C2: variants seen among roughly 807,000 people sequenced by gnomAD.
C2 encodes the protein complement C2.
In C2, 64 loss-of-function variants were observed where a neutral mutation model predicts 85.2. The observed-to-expected ratio is 0.75, with a 90% CI of 0.61 to 0.92. The LOEUF (loss-of-function observed/expected upper bound fraction) is 0.92, where lower values mean the gene tolerates loss of function less well. Ranked by LOEUF, C2 falls within the 40% of genes least tolerant of loss-of-function variation. The pLI is 0.00. For synonymous variants in C2, 311 were observed against 370.8 expected (o/e 0.84, Z 1.85); for missense variants, 820 against 971.6 (o/e 0.84, Z 2.07).
At chr6:31,907,001 G>A (rs535612893) in intron 1 of C2, among the ~76,000 whole-genome samples, 3 of 151,548 alleles carry the variant, frequency 2.0e-5, no homozygotes, top group Non-Finnish European at 2.9e-5. Context: ...TTAGCTGGGC[G>A]TGGTGGTGCA....
At chr6:31,918,321 T>C (rs1768702851), upstream of C2, among the ~76,000 whole-genome samples, 1 of 151,752 alleles carries the variant, frequency 6.6e-6, no homozygotes, top group African/African-American at 2.4e-5. Context: ...GCACAGTGGC[T>C]CACACTTGTA....
upstream of C2, among the ~76,000 whole-genome samples, chr6:31,923,444 A>G (rs1769089347): frequency 6.6e-6 from 1 of 152,074 alleles, no homozygotes; most frequent in African/African-American, 2.4e-5. Context: ...CACACACGCC[A>G]TCTCAGCCTT....
At chr6:31,910,974 C>T (rs921437942) in intron 1 of C2, among the ~76,000 whole-genome samples, 5 of 140,778 alleles carry the variant, frequency 3.6e-5, no homozygotes, top group Non-Finnish European at 7.7e-5. Flanking sequence ...AGCAAGCTTC[C>T]ATCTTAAAAA....
At position 31,901,254 on chromosome 6, in the gene C2, C is replaced by T. The variant is rs771080498; in HGVS notation, c.73+115C>T. On this transcript the variant is annotated intron_variant, in intron 1 of 3. Coordinates refer to the C2 transcript ENST00000452202. ...AGCTGGTTCATGTTCCGTAGCGTTG[C>T]GGCCTCGTGGCCGGGCAGCTGGAAG... The T allele has an allele frequency of 1.9e-5, 31 of 1,612,718 alleles. No individual in the cohort carries two copies. Among genetic ancestry groups the T allele is most frequent in the Admixed American group, 5.0e-5 (3 of 59,992 alleles).
intron 1 of C2, chr6:31,901,757 CG>C (rs1767304532): frequency 5.5e-6 from 1 of 182,740 alleles, no homozygotes; most frequent in Non-Finnish European, 1.2e-5. Context: ...CAGCACGCAC[CG>C]TGCACGCCCT....
rs1382923976 is a variant in C2, at chr6:31,943,927, C to T, written c.1744C>T (p.Leu582Phe). The T allele has an allele frequency of 6.2e-7, 1 of 1,612,762 alleles. No individual in the cohort carries two copies. Among genetic ancestry groups the T allele is most frequent in the African/African-American group, 1.3e-5 (1 of 74,914 alleles). Residue 582 changes from leucine to phenylalanine, a missense_variant, in exon 14 of 18, where the codon CTT becomes TTT. Coordinates refer to ENST00000299367, the MANE Select transcript of C2 (RefSeq NM_000063.6). This position sits in a 1 kb window ranked among gnomAD's most constrained non-coding sequence, Gnocchi z 6.4. ...TGCTCTTCTCCCCAGGCCCATCTGC[C>T]TTCCCTGCACGATGGAGGCCAATCT... ...KMSTHARPIC[L>F]PCTMEANLAL...
chr6:31,930,932 C>T (rs1269815316), intron 3 of C2, among the ~76,000 whole-genome samples: 1 of 152,226 alleles, frequency 6.6e-6, no homozygotes, highest in Non-Finnish European at 1.5e-5. Flanking sequence ...CTCATCTAAT[C>T]ACCACCCAAG....
chr6:31,940,025 C>A (rs1293989399), intron 9 of C2, among the ~76,000 whole-genome samples: 1 of 152,198 alleles, frequency 6.6e-6, no homozygotes, highest in Non-Finnish European at 1.5e-5. Context: ...ATCCGCCTGC[C>A]TTGGTCTCCC....
Position 31,944,216 on chromosome 6 carries a change from T to A in C2, c.1892T>A (p.Met631Lys). Residue 631 changes from methionine to lysine, a missense_variant, in exon 15 of 18, where the codon ATG (methionine) becomes AAG (lysine). Met to Lys is a moderately conservative substitution (Grantham distance 95). Transcript: ENST00000299367. This position sits in a 1 kb window ranked among gnomAD's most constrained non-coding sequence, Gnocchi z 5.1. ...NGSKLNINLKMGVEWTSCAEV... is the reference protein window; with the variant it reads ...NGSKLNINLKKGVEWTSCAEV... ...AGCAAACTGAACATTAACCTTAAGA[T>A]GGGAGTGGAGGTGAGGGTCTCAGGT... 1 of 1,609,046 alleles carries A rather than the reference T, an allele frequency of 6.2e-7. No individual in the cohort carries two copies. Among genetic ancestry groups the A allele is most frequent in the African/African-American group, 1.3e-5 (1 of 74,950 alleles).
chr6:31,928,634 C>A lies in C2; in HGVS notation c.257-98C>A, dbSNP rs970858700. 4.2e-6 allele frequency: 5 copies of A among 1,192,600 alleles called. No homozygotes were observed. In the Admixed American group the frequency reaches 5.8e-5, roughly 14 times the overall value. The allele number at this position is 1,192,600 out of a possible 1,614,324, so 73.9% of individuals were successfully genotyped here. A position where few individuals can be genotyped will look rare whatever the true frequency, so the allele number is the denominator to read the frequency against. ...TTCAGTGTTTTGACAGCCAGTTGAC[C>A]ATTCCCATGCATTCCAGCATAAAAT... On this transcript the variant is annotated intron_variant, in intron 2 of 17. Transcript: ENST00000299367.
At position 31,934,256 on chromosome 6, in the gene C2, A is replaced by G; in HGVS notation, c.806A>G (p.Asp269Gly). Residue 269 changes from aspartate to glycine, a missense_variant, in exon 6 of 18, where the codon GAC (aspartate) becomes GGC (glycine). Transcript: ENST00000299367. The part of the protein sequence containing the change: ...LDCSQSVSEN[D>G]FLIFKESASL... ...TGTTCGCAGAGTGTGTCGGAAAATG[A>G]CTTTCTCATCTTCAAGGAGAGCGCC... The G allele has an allele frequency of 6.2e-7, 1 of 1,614,084 alleles. No homozygotes were observed. Among genetic ancestry groups the G allele is most frequent in the Non-Finnish European group, 8.5e-7 (1 of 1,180,004 alleles).
At chr6:31,901,782 G>C (rs1767308167) in intron 1 of C2, 1 of 160,632 alleles carries the variant, frequency 6.2e-6, no homozygotes, top group Non-Finnish European at 1.3e-5. Flanking sequence ...CCCACGCTCA[G>C]AGCTCCGTGG....
At chr6:31,937,543 C>A in intron 8 of C2, 84 bp downstream of exon 8, 1 of 1,539,080 alleles carries the variant, frequency 6.5e-7, no homozygotes, top group Non-Finnish European at 9.0e-7. Context: ...CTGATTCTCC[C>A]TCTGCCTGCC....
At chr6:31,925,437 C>G (rs1769203106), upstream of C2, among the ~76,000 whole-genome samples, 2 of 152,006 alleles carry the variant, frequency 1.3e-5, no homozygotes, top group Non-Finnish European at 2.9e-5. Context: ...GGATTACAGG[C>G]GTATGCCACC....
intron 1 of C2, chr6:31,902,076 G>T: frequency 6.6e-6 from 1 of 152,394 alleles, no homozygotes; most frequent in Non-Finnish European, 1.5e-5. Flanking sequence ...TAGGACTCGG[G>T]GAGGAGGAAG....
In C2 at chr6:31,933,871, C is replaced by T; in HGVS notation, c.621C>T (p.Pro207=). 1 of 1,614,094 alleles carries T rather than the reference C, an allele frequency of 6.2e-7. No homozygotes were observed. Among genetic ancestry groups the T allele is most frequent in the African/African-American group, 1.3e-5 (1 of 75,080 alleles). ...WSGTEPICRQ[P]YSYDFPEDVA... The stretch of plus-strand genomic sequence containing the variant: ...CCTGTGTGGCTCTCCCCACAGAACC[C>T]TACTCTTATGACTTCCCTGAGGACG... The change falls in exon 5 of 18, where the codon CCC becomes CCT. Residue 207 remains proline (P), a synonymous_variant. Transcript: ENST00000299367.
At chr6:31,932,763 G>C (rs1285893632) in intron 3 of C2, among the ~76,000 whole-genome samples, 1 of 152,242 alleles carries the variant, frequency 6.6e-6, no homozygotes, top group East Asian at 1.9e-4. Context: ...GCCAAGGCAG[G>C]CTGCTGGGAG....
chr6:31,905,662 AG>A (rs1239388168), intron 1 of C2, among the ~76,000 whole-genome samples: 1 of 152,078 alleles, frequency 6.6e-6, no homozygotes, highest in East Asian at 1.9e-4. Flanking sequence ...AAATTTGACT[AG>A]GGATGCAAGG....
chr6:31,914,139 A>G (rs1768320017), intron 1 of C2, among the ~76,000 whole-genome samples: 1 of 151,414 alleles, frequency 6.6e-6, no homozygotes, highest in African/African-American at 2.4e-5. Context: ...TCTCAATCTC[A>G]TGACCTTGTG....
Sources: gnomAD v4.1 joint callset for allele counts (sites outside exome capture counted in the v4.1 genomes callset) on GRCh38, gnomAD v4.1.1 for gene constraint, Gnocchi (gnomAD v3.1) non-coding constraint, MANE v1.5 for transcripts, NCBI Gene and HGNC (gene_info 2026-07-23, HGNC 2026-07-21) for gene names.